Variants in FAM227B observed in about 807,000 individuals in gnomAD.
FAM227B encodes the protein family with sequence similarity 227 member B.
Under a neutral mutation model 73.8 loss-of-function variants are expected in FAM227B, and 88 were observed. That is an observed-to-expected ratio of 1.19 (90% confidence interval 1.00 to 1.42). The LOEUF (loss-of-function observed/expected upper bound fraction) is 1.42, where lower values mean the gene tolerates loss of function less well. Ranked by LOEUF, FAM227B falls within the 40% of genes most tolerant of loss-of-function variation. FAM227B has a pLI of 0.00. For missense variants in FAM227B, 632 were observed against 590.9 expected (o/e 1.07, Z -0.72); for synonymous variants, 210 against 190.5 (o/e 1.10, Z -0.84).
chr15:49,341,864 T>C (rs2040779890), intron 13 of FAM227B, among the ~76,000 whole-genome samples: 2 of 152,258 alleles, frequency 1.3e-5, no homozygotes. Flanking sequence ...GGAAATCTTT[T>C]TGGTATTGAT....
At chr15:49,365,952 T>C (rs925683817) in intron 13 of FAM227B, 8 of 885,914 alleles carry the variant, frequency 9.0e-6, no homozygotes, top group Non-Finnish European at 1.5e-5. Flanking sequence ...TAACATAAAC[T>C]AACCATTTGT....
At chr15:49,511,345 G>A (rs1245661408) in intron 10 of FAM227B, among the ~76,000 whole-genome samples, 1 of 151,514 alleles carries the variant, frequency 6.6e-6, no homozygotes, top group African/African-American at 2.4e-5. Context: ...TATATTTTGA[G>A]ACATAGTATT....
intron 11 of FAM227B, among the ~76,000 whole-genome samples, chr15:49,505,954 A>G (rs56094557): frequency 0.28 from 41,894 of 151,774 alleles, 6,014 homozygotes; most frequent in East Asian, 0.38. Flanking sequence ...ATACGATGTG[A>G]ACCATAAGCA....
At chr15:49,503,586 A>C (rs2058328937) in intron 11 of FAM227B, among the ~76,000 whole-genome samples, 1 of 152,184 alleles carries the variant, frequency 6.6e-6, no homozygotes, top group African/African-American at 2.4e-5. Flanking sequence ...CAAGAAAAAA[A>C]CAAACAACCC....
chr15:49,446,807 G>A (rs890020526), intron 11 of FAM227B, among the ~76,000 whole-genome samples: 2 of 151,438 alleles, frequency 1.3e-5, no homozygotes, highest in Non-Finnish European at 3.0e-5. Flanking sequence ...AAATGGGAGA[G>A]ACAGAATTAA....
intron 13 of FAM227B, among the ~76,000 whole-genome samples, chr15:49,336,524 C>T (rs568050473): frequency 2.6e-5 from 4 of 152,232 alleles, no homozygotes; most frequent in Admixed American, 6.5e-5. Context: ...GCCCCACTCC[C>T]ATTGTGAAAC....
chr15:49,588,012 A>G lies in FAM227B; in HGVS notation c.405+4T>C, dbSNP rs1567645168. 1.4e-6 allele frequency: 2 copies of G among 1,450,758 alleles called. No homozygotes were observed. Among genetic ancestry groups the G allele is most frequent in the South Asian group, 2.8e-5 (2 of 70,708 alleles). The allele number at this position is 1,450,758 out of a possible 1,614,324, so 89.9% of individuals were successfully genotyped here. ...CAAGGATGATAAAAACATAGATACC[A>G]TACCATTATCTTTTTTTTCTTATGG... On this transcript the variant is annotated splice_donor_region_variant and intron_variant, in intron 5 of 15. Coordinates refer to ENST00000299338, the MANE Select transcript of FAM227B (RefSeq NM_152647.3).
chr15:49,548,853 C>G (rs973508001), intron 9 of FAM227B, among the ~76,000 whole-genome samples: 1 of 152,172 alleles, frequency 6.6e-6, no homozygotes, highest in South Asian at 2.1e-4. Flanking sequence ...TCTGCAGTAT[C>G]AGTTGCAATG....
chr15:49,341,739 T>C (rs1567106731), intron 13 of FAM227B, among the ~76,000 whole-genome samples: 1 of 152,220 alleles, frequency 6.6e-6, no homozygotes, highest in Non-Finnish European at 1.5e-5. Flanking sequence ...GATTTTGGTA[T>C]GTTCTGGTTC....
At chr15:49,557,979 A>G (rs983437086) in intron 9 of FAM227B, among the ~76,000 whole-genome samples, 1 of 152,174 alleles carries the variant, frequency 6.6e-6, no homozygotes, top group Non-Finnish European at 1.5e-5. Context: ...ATGGGTTTCC[A>G]GCACAGTGGC....
intron 10 of FAM227B, among the ~76,000 whole-genome samples, chr15:49,529,163 T>A (rs2060427507): frequency 6.6e-6 from 1 of 151,758 alleles, no homozygotes. Flanking sequence ...AATACAATCA[T>A]GTTTCTGCAG....
In FAM227B at chr15:49,335,509, T is replaced by G; in HGVS notation, c.1272-13A>C. On this transcript the variant is annotated splice_polypyrimidine_tract_variant and intron_variant, in intron 13 of 15. Transcript: ENST00000299338. ...TGGAGCAGGTAGTGTGCTAGGCTTATTATTAAGGAATGATTTTCAATTAGG... is the reference window on the plus strand; with the variant it reads ...TGGAGCAGGTAGTGTGCTAGGCTTAGTATTAAGGAATGATTTTCAATTAGG... The G allele has an allele frequency of 6.3e-7, 1 of 1,599,016 alleles. No homozygotes were observed. Among genetic ancestry groups the G allele is most frequent in the Non-Finnish European group, 8.6e-7 (1 of 1,166,820 alleles).
chr15:49,492,279 C>A (rs984524317), intron 11 of FAM227B, among the ~76,000 whole-genome samples: 2 of 151,846 alleles, frequency 1.3e-5, no homozygotes, highest in African/African-American at 2.4e-5. Context: ...AGCAAGAGAT[C>A]AAAACTTTTT....
intron 11 of FAM227B, among the ~76,000 whole-genome samples, chr15:49,466,951 A>C (rs1179149081): frequency 6.6e-6 from 1 of 152,194 alleles, no homozygotes; most frequent in Non-Finnish European, 1.5e-5. Flanking sequence ...AGTGCTAAGA[A>C]AGCCAATGAC....
rs2077505566 is a variant in FAM227B, at chr15:49,606,131, A to G, written c.105+5084T>C. On this transcript the variant is annotated intron_variant, in intron 3 of 15. Coordinates refer to ENST00000299338, the MANE Select transcript of FAM227B (RefSeq NM_152647.3). The stretch of plus-strand genomic sequence containing the variant: ...TCTGTGCCACGCCTAGGACTCCCAT[A>G]TAGTGAAGACTAGTAATATCTCACC... 3.3e-5 allele frequency: 5 copies of G among 152,188 alleles called. No individual in the cohort carries two copies. The South Asian group carries it at 1.0e-3, about 32-fold the overall frequency. 9.4% of individuals were successfully genotyped at this position (152,188 alleles called of 1,614,324 possible).
intron 11 of FAM227B, among the ~76,000 whole-genome samples, chr15:49,454,618 T>TAAA (rs2053096114): frequency 1.3e-5 from 2 of 152,344 alleles, no homozygotes; most frequent in Admixed American, 1.3e-4. Context: ...ATTTTTTATA[T>TAAA]TATTTTTTTG....
chr15:49,501,607 G>A (rs377363763), intron 11 of FAM227B, among the ~76,000 whole-genome samples: 17 of 152,210 alleles, frequency 1.1e-4, no homozygotes, highest in Non-Finnish European at 1.8e-4. Context: ...GAAGCATAAC[G>A]TAAAAGGTTA....
At chr15:49,334,483 G>C (rs2039352173) in intron 14 of FAM227B, among the ~76,000 whole-genome samples, 1 of 152,134 alleles carries the variant, frequency 6.6e-6, no homozygotes, top group Non-Finnish European at 1.5e-5. Context: ...ATATGCCAAA[G>C]GTATCACCCA....
chr15:49,408,688 G>A (rs2048677555), intron 11 of FAM227B, among the ~76,000 whole-genome samples: 1 of 151,844 alleles, frequency 6.6e-6, no homozygotes. Context: ...TAACCATTCT[G>A]CCAAATTATT....
Sources: allele counts gnomAD v4.1 joint callset (sites outside exome capture counted in the v4.1 genomes callset), GRCh38; gene constraint gnomAD v4.1.1; transcripts MANE v1.5; gene names NCBI Gene and HGNC (gene_info 2026-07-23, HGNC 2026-07-21).